TNR: variants seen among roughly 807,000 people sequenced by gnomAD.
TNR encodes tenascin-R.
A neutral mutation model predicts 150.4 loss-of-function variants in TNR; 45 were observed. The ratio of observed to expected loss-of-function variants is 0.30; its 90% confidence interval spans 0.24 to 0.38. The LOEUF (loss-of-function observed/expected upper bound fraction) is 0.38. Among genes scored for constraint, TNR ranks in the 10% least tolerant of loss-of-function variants. The probability of loss-of-function intolerance (pLI) is 1.00; values close to 1 mark genes in which losing one functional copy is unlikely to be tolerated. For missense variants in TNR, 1,544 were observed against 1,759.1 expected (o/e 0.88, Z 2.19); for synonymous variants, 687 against 678.4 (o/e 1.01, Z -0.20).
chr1:175,618,031 T>C (rs1274514603), intron 1 of TNR, among the ~76,000 whole-genome samples: 1 of 152,200 alleles, frequency 6.6e-6, no homozygotes, highest in East Asian at 1.9e-4. Context: ...ACTTTTCCCC[T>C]AAAATCTCTT....
intron 12 of TNR, among the ~76,000 whole-genome samples, 168 bp from the exon 13 acceptor site, chr1:175,363,995 G>C (rs1432505613): frequency 1.3e-5 from 2 of 152,194 alleles, no homozygotes; most frequent in African/African-American, 4.8e-5. Flanking sequence ...TGTTTCACTT[G>C]AAACCTTGTA....
At chr1:175,432,199 C>T (rs1019568062) in intron 2 of TNR, among the ~76,000 whole-genome samples, 10 of 152,204 alleles carry the variant, frequency 6.6e-5, no homozygotes, top group Admixed American at 2.0e-4. Context: ...ATGGCAACAT[C>T]GACCCTTGAG....
At chr1:175,426,951 ATT>A (rs1491200624) in intron 2 of TNR, among the ~76,000 whole-genome samples, 2 of 76,664 alleles carry the variant, frequency 2.6e-5, no homozygotes, top group Non-Finnish European at 5.2e-5. Flanking sequence ...TTATATATAT[ATT>A]ATATATAAAA....
chr1:175,325,812 G>A (rs10798383), intron 21 of TNR, among the ~76,000 whole-genome samples: 64,897 of 150,686 alleles, frequency 0.43, 15,547 homozygotes, highest in East Asian at 0.66. Flanking sequence ...GGTGGGAATT[G>A]AACAATGAGA....
intron 1 of TNR, among the ~76,000 whole-genome samples, chr1:175,708,047 TGTGTG>T (rs1666891682): frequency 6.6e-6 from 1 of 151,518 alleles, no homozygotes; most frequent in African/African-American, 2.4e-5. Flanking sequence ...TGTGTGTGTG[TGTGTG>T]TGTGTGTATT....
chr1:175,458,478 G>A (rs1656664958), intron 2 of TNR, among the ~76,000 whole-genome samples: 1 of 152,176 alleles, frequency 6.6e-6, no homozygotes, highest in Non-Finnish European at 1.5e-5. Flanking sequence ...CGCAATATAT[G>A]AGCTAAGGCA....
intron 1 of TNR, among the ~76,000 whole-genome samples, chr1:175,679,448 A>G (rs1665964968): frequency 6.6e-6 from 1 of 152,244 alleles, no homozygotes; most frequent in African/African-American, 2.4e-5. Context: ...CAACATTAAT[A>G]GAAGACATGA....
intron 1 of TNR, among the ~76,000 whole-genome samples, chr1:175,575,006 T>C (rs1451948423): frequency 2.0e-5 from 3 of 152,210 alleles, no homozygotes; most frequent in African/African-American, 7.2e-5. Context: ...TCTGGAGAAG[T>C]CATTGGTGCT....
chr1:175,561,367 C>T (rs557940633), intron 1 of TNR, among the ~76,000 whole-genome samples: 44 of 152,264 alleles, frequency 2.9e-4, no homozygotes, highest in Non-Finnish European at 5.3e-4. Context: ...TTCAAACAAT[C>T]GGAAAGCAGC....
chr1:175,572,710 G>T (rs1203644213), intron 1 of TNR, among the ~76,000 whole-genome samples: 2 of 146,768 alleles, frequency 1.4e-5, no homozygotes. Context: ...ATTACATATA[G>T]AGAGAATATA....
At chr1:175,390,084 G>A (rs1167249661) in intron 7 of TNR, among the ~76,000 whole-genome samples, 1 of 152,220 alleles carries the variant, frequency 6.6e-6, no homozygotes, top group Admixed American at 6.5e-5. Context: ...TCAAGGCACT[G>A]CCATAGAACC....
At chr1:175,625,117 A>G (rs1664106652) in intron 1 of TNR, among the ~76,000 whole-genome samples, 1 of 152,254 alleles carries the variant, frequency 6.6e-6, no homozygotes, top group Non-Finnish European at 1.5e-5. Flanking sequence ...ACTTACCTGA[A>G]AAAGCTCCCA....
chr1:175,413,855 G>A (rs539158241), intron 2 of TNR, among the ~76,000 whole-genome samples: 9 of 152,248 alleles, frequency 5.9e-5, no homozygotes, highest in Admixed American at 2.0e-4. Context: ...AGAGAGAGTT[G>A]GGCACAGTGG....
At chr1:175,659,895 T>C (rs1158597983) in intron 1 of TNR, among the ~76,000 whole-genome samples, 2 of 125,676 alleles carry the variant, frequency 1.6e-5, no homozygotes, top group Admixed American at 1.9e-4. Flanking sequence ...CCTTTGGGTG[T>C]CATTTTTTTT....
chr1:175,365,492 A>T, intron 11 of TNR, among the ~76,000 whole-genome samples: 1 of 152,172 alleles, frequency 6.6e-6, no homozygotes, highest in Non-Finnish European at 1.5e-5. Flanking sequence ...TTAAAATGAG[A>T]ACTACTTCTG....
chr1:175,678,722 C>T (rs1044399881), intron 1 of TNR, among the ~76,000 whole-genome samples: 3 of 152,184 alleles, frequency 2.0e-5, no homozygotes, highest in African/African-American at 7.2e-5. Flanking sequence ...ATAAGCAAAA[C>T]AAAGAGCCTA....
intron 2 of TNR, among the ~76,000 whole-genome samples, chr1:175,469,267 T>C (rs1657170890): frequency 6.6e-6 from 1 of 151,954 alleles, no homozygotes; most frequent in African/African-American, 2.4e-5. Flanking sequence ...CTTGAAGAAG[T>C]TCAGTGTCCT....
intron 18 of TNR, among the ~76,000 whole-genome samples, chr1:175,344,017 GC>G (rs1375456663): frequency 6.6e-6 from 1 of 152,192 alleles, no homozygotes; most frequent in East Asian, 1.9e-4. Context: ...AGCAGAGAAA[GC>G]AGGGATTTAT....
At chr1:175,562,465 G>A (rs1661468725) in intron 1 of TNR, among the ~76,000 whole-genome samples, 1 of 152,254 alleles carries the variant, frequency 6.6e-6, no homozygotes, top group East Asian at 1.9e-4. Context: ...GTAACAGAAG[G>A]CAACTGGAAT....
Sources: gnomAD v4.1 joint callset for allele counts (sites outside exome capture counted in the v4.1 genomes callset) on GRCh38, gnomAD v4.1.1 for gene constraint, MANE v1.5 for transcripts, NCBI Gene and HGNC (gene_info 2026-07-23, HGNC 2026-07-21) for gene names.